TLK1: variants seen among roughly 807,000 people sequenced by gnomAD.
TLK1 encodes the protein serine/threonine-protein kinase tousled-like 1.
TLK1 carries 24 observed loss-of-function variants against 105.3 expected under a neutral mutation model. The ratio of observed to expected loss-of-function variants is 0.23; its 90% CI spans 0.17 to 0.32. TLK1 has a LOEUF of 0.32. Among genes scored for constraint, TLK1 ranks in the 10% least tolerant of loss-of-function variants. The pLI, the probability that TLK1 is intolerant of heterozygous loss-of-function variation, is 1.00. For synonymous variants in TLK1, 321 were observed against 310.4 expected (o/e 1.03, Z -0.36); for missense variants, 558 against 910.5 (o/e 0.61, Z 4.98).
chr2:171,053,960 T>C, intron 7 of TLK1, 107 bp from the exon 8 acceptor site: 2 of 809,132 alleles, frequency 2.5e-6, no homozygotes, highest in African/African-American at 1.8e-5. Flanking sequence ...AATATATTTG[T>C]GTGTATATGT....
chr2:171,125,070 A>G (rs1575612344), intron 1 of TLK1, among the ~76,000 whole-genome samples: 1 of 152,198 alleles, frequency 6.6e-6, no homozygotes, highest in East Asian at 1.9e-4. Flanking sequence ...TCTGGACATA[A>G]TTTTTTTGAC....
At chr2:171,076,917 A>AAAAGAAAG (rs138913886) in intron 3 of TLK1, among the ~76,000 whole-genome samples, 28 of 151,810 alleles carry the variant, frequency 1.8e-4, no homozygotes, top group African/African-American at 5.8e-4. Context: ...TGTCTCAAAA[A>AAAAGAAAG]AAAGAAAGAA....
intron 1 of TLK1, among the ~76,000 whole-genome samples, chr2:171,134,282 A>G (rs542297158): frequency 6.6e-6 from 1 of 152,328 alleles, no homozygotes; most frequent in Admixed American, 6.5e-5. Flanking sequence ...CAGCTTCTCT[A>G]TTAGACTGGC....
At chr2:171,220,737 T>C (rs1441191275) in intron 1 of TLK1, among the ~76,000 whole-genome samples, 2 of 151,720 alleles carry the variant, frequency 1.3e-5, no homozygotes, top group Non-Finnish European at 2.9e-5. Flanking sequence ...TTTTGAGTCA[T>C]TAAGTTGGGA....
intron 3 of TLK1, among the ~76,000 whole-genome samples, chr2:171,082,549 A>T (rs1186368741): frequency 6.6e-6 from 1 of 152,246 alleles, no homozygotes; most frequent in Non-Finnish European, 1.5e-5. Flanking sequence ...TATACATATC[A>T]TTCATTTACA....
rs181220459 is a variant in TLK1, at chr2:171,005,874, A to T, written c.1904+273T>A. On this transcript the variant is annotated intron_variant, in intron 18 of 20. Transcript: ENST00000431350. ...ATTGTAGAAGAAAACCCATGAATGA[A>T]TTCTTCCTGTTAGGAGTTTCTGACT... is the stretch of plus-strand genomic sequence containing the variant. 3.9e-3 allele frequency among the ~76,000 whole-genome samples: 593 copies of T among 152,268 alleles called. 3 individuals carry two copies. The highest frequency in any genetic ancestry group is 0.013 in the African/African-American group (551 of 41,530).
intron 20 of TLK1, among the ~76,000 whole-genome samples, chr2:170,995,862 C>A (rs12988738): frequency 2.6e-5 from 4 of 151,928 alleles, no homozygotes; most frequent in South Asian, 2.1e-4. Context: ...GCCCCTACAC[C>A]GGGCTAATTT....
chr2:171,143,311 C>T (rs1222149025), intron 1 of TLK1, among the ~76,000 whole-genome samples: 1 of 151,860 alleles, frequency 6.6e-6, no homozygotes. Flanking sequence ...TCAAGACCAG[C>T]CCAGTCAACA....
chr2:171,192,461 C>T (rs1007887324), intron 1 of TLK1, among the ~76,000 whole-genome samples: 74 of 152,170 alleles, frequency 4.9e-4, no homozygotes, highest in East Asian at 3.9e-4. Context: ...GGGCGGATCA[C>T]GAGGTCAGGA....
chr2:171,092,027 C>T (rs1301381442), intron 2 of TLK1, among the ~76,000 whole-genome samples: 2 of 151,686 alleles, frequency 1.3e-5, no homozygotes, highest in African/African-American at 2.4e-5. Context: ...CCACTGCGCC[C>T]GGCCGTCTTT....
In TLK1 at chr2:171,160,726, C is replaced by T. The variant is rs1692457274; in HGVS notation, c.-298G>A. On this transcript the variant is annotated 5_prime_UTR_variant, in exon 1 of 21. Coordinates refer to ENST00000431350, the MANE Select transcript of TLK1 (RefSeq NM_012290.5). The surrounding 1 kb of genome is among the most constrained non-coding windows in gnomAD (Gnocchi z 4.4). ...GGCGGCGGAGGCGTCGAGGGGGTGC[C>T]AGCCGGGCCGGGGTCGGAGCGCGGG... 1 of 451,850 alleles carries T rather than the reference C, an allele frequency of 2.2e-6. No individual in the cohort carries two copies. The highest frequency in any genetic ancestry group is 3.8e-6 in the Non-Finnish European group (1 of 264,824). The allele number at this position is 451,850 out of a possible 1,614,324, so 28.0% of individuals were successfully genotyped here. A position where few individuals can be genotyped will look rare whatever the true frequency, so the allele number is the denominator to read the frequency against.
chr2:171,172,769 C>T lies in TLK1; in HGVS notation c.-5-54912G>A, dbSNP rs533511369. Among the ~76,000 whole-genome samples the T allele has an allele frequency of 7.2e-5, 11 of 152,268 alleles. No individual in the cohort carries two copies. The South Asian group carries it at 1.0e-3, about 14-fold the overall frequency. On this transcript the variant is annotated intron_variant, in intron 1 of 20. Transcript: ENST00000521943. ...TTACCTGAGGCCTCCCCAGAAGCCACGCAGATGTCAGCATCATGCTTCCTG... is the reference window on the plus strand; with the variant it reads ...TTACCTGAGGCCTCCCCAGAAGCCATGCAGATGTCAGCATCATGCTTCCTG...
At chr2:171,005,246 T>C (rs1684589973) in intron 18 of TLK1, among the ~76,000 whole-genome samples, 1 of 152,252 alleles carries the variant, frequency 6.6e-6, no homozygotes, top group Admixed American at 6.5e-5. Context: ...TTTAACAAGT[T>C]TGAAAATTCA....
intron 1 of TLK1, among the ~76,000 whole-genome samples, chr2:171,158,564 C>G (rs1381912518): frequency 6.6e-6 from 1 of 152,084 alleles, no homozygotes; most frequent in Non-Finnish European, 1.5e-5. Context: ...CGGCCTGGCT[C>G]ACAGTAATGG....
chr2:171,206,171 C>T (rs1050359283), intron 1 of TLK1, among the ~76,000 whole-genome samples: 1 of 152,158 alleles, frequency 6.6e-6, no homozygotes, highest in Non-Finnish European at 1.5e-5. Context: ...TTAACTGATT[C>T]CTCAACTATG....
chr2:171,014,530 A>C (rs887088661), intron 13 of TLK1, among the ~76,000 whole-genome samples: 1 of 152,168 alleles, frequency 6.6e-6, no homozygotes, highest in African/African-American at 2.4e-5. Flanking sequence ...GGATGATCTA[A>C]GAATGGCCTT....
intron 12 of TLK1, among the ~76,000 whole-genome samples, chr2:171,026,263 C>T (rs1685768183): frequency 6.6e-6 from 1 of 152,034 alleles, no homozygotes; most frequent in African/African-American, 2.4e-5. Flanking sequence ...GTTTAGTGTT[C>T]TACAACATTT....
At chr2:171,203,202 C>T (rs759310682) in intron 1 of TLK1, among the ~76,000 whole-genome samples, 2 of 151,912 alleles carry the variant, frequency 1.3e-5, no homozygotes. Context: ...AAATACCTCA[C>T]AATATAAAAT....
intron 2 of TLK1, among the ~76,000 whole-genome samples, chr2:171,114,365 C>T (rs960593876): frequency 7.2e-5 from 11 of 152,042 alleles, no homozygotes; most frequent in African/African-American, 2.7e-4. Flanking sequence ...GGAGATTATC[C>T]CAGATTATTT....
Sources: gnomAD v4.1 joint callset for allele counts (sites outside exome capture counted in the v4.1 genomes callset) on GRCh38, gnomAD v4.1.1 for gene constraint, Gnocchi (gnomAD v3.1) non-coding constraint, MANE v1.5 for transcripts, NCBI Gene and HGNC (gene_info 2026-07-23, HGNC 2026-07-21) for gene names.